The following OSBPL9 variants were observed in gnomAD, a reference collection of about 807,000 sequenced individuals.
OSBPL9 encodes oxysterol binding protein like 9.
OSBPL9 carries 40 observed loss-of-function variants against 106.6 expected under a neutral mutation model. The observed-to-expected ratio is 0.38, with a 90% CI of 0.29 to 0.49. OSBPL9 has a LOEUF of 0.49. OSBPL9 is among the 20% of genes least tolerant of loss of function. OSBPL9 has a pLI of 0.97. For missense variants in OSBPL9, 609 were observed against 887.2 expected (o/e 0.69, Z 3.98); for synonymous variants, 269 against 295.4 (o/e 0.91, Z 0.92).
At chr1:51,571,761 C>A in the OSBPL9 span, among the ~76,000 whole-genome samples, 430 of 152,254 alleles carry the variant, frequency 2.8e-3, no homozygotes, top group Non-Finnish European at 4.5e-3. Context: ...CGGAGGAGGG[C>A]GTGTGCACAA....
chr1:51,773,126 T>C (rs1199206381), intron 14 of OSBPL9, among the ~76,000 whole-genome samples: 4 of 152,110 alleles, frequency 2.6e-5, no homozygotes, highest in Non-Finnish European at 5.9e-5. Flanking sequence ...ATTGTAAGGA[T>C]TGGAAGAGGT....
At chr1:51,617,061 C>T (rs778487161), upstream of OSBPL9, 6 of 1,561,416 alleles carry the variant, frequency 3.8e-6, no homozygotes, top group East Asian at 2.4e-5. Flanking sequence ...TGCTGAATGC[C>T]ATATAGGCGA....
upstream of OSBPL9, among the ~76,000 whole-genome samples, chr1:51,616,668 T>G (rs930659454): frequency 6.6e-6 from 1 of 152,196 alleles, no homozygotes; most frequent in Non-Finnish European, 1.5e-5. Flanking sequence ...TCCCCTCACC[T>G]GTCATGAAGG....
chr1:51,762,350 G>A (rs74774835), intron 11 of OSBPL9, among the ~76,000 whole-genome samples: 7,790 of 152,056 alleles, frequency 0.051, 630 homozygotes, highest in African/African-American at 0.18. Flanking sequence ...TTTTTGTAGA[G>A]AGGAGTCTCC....
At chr1:51,771,022 A>G (rs1358560267) in intron 12 of OSBPL9, among the ~76,000 whole-genome samples, 4 of 152,184 alleles carry the variant, frequency 2.6e-5, no homozygotes, top group Admixed American at 2.0e-4. Flanking sequence ...CCTCTCTGGT[A>G]TGGGATGTTG....
intron 1 of OSBPL9, among the ~76,000 whole-genome samples, chr1:51,593,305 C>G (rs1452519907): frequency 6.6e-6 from 1 of 152,206 alleles, no homozygotes. Context: ...GTCAGCCTCA[C>G]AATCCAGGTC....
the OSBPL9 span, among the ~76,000 whole-genome samples, chr1:51,562,453 A>AG: frequency 1.3e-5 from 2 of 152,152 alleles, no homozygotes; most frequent in Non-Finnish European, 2.9e-5. Flanking sequence ...GAGCCAATTA[A>AG]GCCTCTTTTC....
In OSBPL9 at chr1:51,788,770, G is replaced by GAT. The variant is rs1678303981; in HGVS notation, c.*983_*984dup. Among the ~76,000 whole-genome samples, 1 of 149,992 alleles carries GAT rather than the reference G, an allele frequency of 6.7e-6. No individual in the cohort carries two copies. The highest frequency in any genetic ancestry group is 6.6e-5 in the Admixed American group (1 of 15,102). ...CCCCACCCCACAGTGAACAAAAATA[G>GAT]ATAGATAGATAGAATAAAATGAATG... On this transcript the variant is annotated 3_prime_UTR_variant, in exon 24 of 24. Transcript: ENST00000428468.
intron 23 of OSBPL9, 49 bp from the exon 24 acceptor site, chr1:51,787,666 A>C: frequency 6.3e-7 from 1 of 1,599,976 alleles, no homozygotes; most frequent in Non-Finnish European, 8.6e-7. Flanking sequence ...AGTATATTAC[A>C]GAAGTACAAA....
At chr1:51,652,711 AGG>A (rs1646592270) in intron 2 of OSBPL9, among the ~76,000 whole-genome samples, 1 of 152,230 alleles carries the variant, frequency 6.6e-6, no homozygotes, top group Admixed American at 6.5e-5. Context: ...ACTTCAGAGA[AGG>A]GGATCAATAG....
chr1:51,616,311 G>A (rs1644057829), upstream of OSBPL9, among the ~76,000 whole-genome samples: 3 of 152,076 alleles, frequency 2.0e-5, no homozygotes. Flanking sequence ...GCCCCTGTAG[G>A]CTGTTAGTGA....
the OSBPL9 span, among the ~76,000 whole-genome samples, chr1:51,556,214 A>T: frequency 1.3e-5 from 2 of 152,352 alleles, no homozygotes; most frequent in South Asian, 4.1e-4. Flanking sequence ...TTGTCACCCA[A>T]TAGACACTAG....
At chr1:51,760,324 AC>A (rs754993092) in intron 9 of OSBPL9, 12 of 226,300 alleles carry the variant, frequency 5.3e-5, no homozygotes, top group Non-Finnish European at 8.8e-5. Context: ...GGTGTAACTC[AC>A]CAAAAGTGAA....
chr1:51,561,846 C>T, the OSBPL9 span: 1 of 152,160 alleles, frequency 6.6e-6, no homozygotes. Context: ...TTTGTGAAAA[C>T]TGAGAGACTG....
At chr1:51,759,430 T>G (rs980860992) in intron 9 of OSBPL9, 1 of 152,148 alleles carries the variant, frequency 6.6e-6, no homozygotes, top group Non-Finnish European at 1.5e-5. Flanking sequence ...TTACCTCAGT[T>G]TCTATTATTA....
At chr1:51,612,081 CCCT>C (rs1453478155) in intron 2 of OSBPL9, among the ~76,000 whole-genome samples, 1 of 152,162 alleles carries the variant, frequency 6.6e-6, no homozygotes, top group African/African-American at 2.4e-5. Flanking sequence ...TCTCCTTACT[CCCT>C]CCTCATTTAA....
At chr1:51,627,437 A>G (rs948831240) in intron 1 of OSBPL9, among the ~76,000 whole-genome samples, 1 of 152,160 alleles carries the variant, frequency 6.6e-6, no homozygotes. Flanking sequence ...GTTGGCAGTT[A>G]ACTAACCATA....
chr1:51,781,016 C>T (rs2149141189), intron 15 of OSBPL9, 148 bp from the exon 16 acceptor site: 1 of 621,052 alleles, frequency 1.6e-6, no homozygotes, highest in East Asian at 2.8e-5. Context: ...ATATTATACT[C>T]AATTTTAAAA....
chr1:51,588,517 G>A (rs1645258244), intron 1 of OSBPL9, among the ~76,000 whole-genome samples: 1 of 152,108 alleles, frequency 6.6e-6, no homozygotes, highest in Admixed American at 6.6e-5. Context: ...AAAATTAGCT[G>A]GGTGTGCACC....
Sources: allele counts gnomAD v4.1 joint callset (sites outside exome capture counted in the v4.1 genomes callset), GRCh38; gene constraint gnomAD v4.1.1; transcripts MANE v1.5; gene names NCBI Gene and HGNC (gene_info 2026-07-23, HGNC 2026-07-21).